Variants in MAN2B1 observed in about 807,000 individuals in gnomAD.
The protein encoded by MAN2B1 is mannosidase alpha class 2B member 1, also known as lysosomal alpha-mannosidase.
A neutral mutation model predicts 127.5 loss-of-function variants in MAN2B1; 99 were observed. The observed-to-expected ratio is 0.78, with a 90% CI of 0.66 to 0.92. The LOEUF is 0.92. Among genes scored for constraint, MAN2B1 ranks in the 40% least tolerant of loss-of-function variants. The pLI is 0.00. For synonymous variants in MAN2B1, 573 were observed against 568.8 expected (o/e 1.01, Z -0.11); for missense variants, 1,304 against 1,384.8 (o/e 0.94, Z 0.93).
At chr19:12,654,744 G>A (rs368415056) in intron 14 of MAN2B1, among the ~76,000 whole-genome samples, 21 of 151,930 alleles carry the variant, frequency 1.4e-4, no homozygotes, top group Admixed American at 1.1e-3. Flanking sequence ...GCATGATCTC[G>A]GCTCACTGCA....
chr19:12,648,426 G>C lies in MAN2B1; in HGVS notation c.2437-24C>G, dbSNP rs758456823. On this transcript the variant is annotated intron_variant, in intron 20 of 23. Transcript: ENST00000456935. ...ACCTGGGGGGAGAGTGGCCAGGAGG[G>C]GGTGAGAGTCGTGGGTTTGTGGGTG... is the stretch of plus-strand genomic sequence containing the variant. 9 of 1,581,686 alleles carry C rather than the reference G, an allele frequency of 5.7e-6. No individual in the cohort carries two copies. The East Asian group carries it at 2.0e-4, about 36-fold the overall frequency.
chr19:12,647,643 G>GA lies in MAN2B1; in HGVS notation c.2665-46_2665-45insT, dbSNP rs1191017034. On this transcript the variant is annotated intron_variant, in intron 21 of 23. Coordinates refer to ENST00000456935, the MANE Select transcript of MAN2B1 (RefSeq NM_000528.4). The surrounding 1 kb of genome is among the most constrained non-coding windows in gnomAD (Gnocchi z 4.9). ...GCTGAGTTGGAGAGGGGCGGGGCCT[G>GA]GATGGAGAAGGGCGGGGCCGAGCCA... 2 of 1,566,436 alleles carry GA rather than the reference G, an allele frequency of 1.3e-6. No individual in the cohort carries two copies. Among genetic ancestry groups the GA allele is most frequent in the African/African-American group, 1.4e-5 (1 of 73,668 alleles).
At chr19:12,650,406 G>T (rs560979048) in intron 16 of MAN2B1, among the ~76,000 whole-genome samples, 184 bp from the exon 17 acceptor site, 28 of 149,076 alleles carry the variant, frequency 1.9e-4, no homozygotes, top group Non-Finnish European at 2.8e-4. Flanking sequence ...TTGCCCAGGC[G>T]GGAGTGCAGT....
In MAN2B1 at chr19:12,650,157, G is replaced by A. The variant is rs2023808625; in HGVS notation, c.2112C>T (p.Tyr704=). ...CTAGCTCCAGGTGCCGCTGTCCTGG[G>A]TACAGGCGAACCACCTGGGAACACC... The part of the protein sequence containing the change: ...SAWCSQVVRL[Y]PGQRHLELEW... Residue 704 remains tyrosine (Y), a synonymous_variant, in exon 17 of 24, where the codon TAC becomes TAT. Coordinates refer to ENST00000456935, the MANE Select transcript of MAN2B1 (RefSeq NM_000528.4). 1 of 1,614,024 alleles carries A rather than the reference G, an allele frequency of 6.2e-7. No homozygotes were observed. The highest frequency in any genetic ancestry group is 8.5e-7 in the Non-Finnish European group (1 of 1,180,018).
chr19:12,652,376 G>A lies in MAN2B1; in HGVS notation c.1915C>T (p.Gln639Ter), dbSNP rs121434332. 6.2e-7 allele frequency: 1 copy of A among 1,614,022 alleles called. No individual in the cohort carries two copies. Among genetic ancestry groups the A allele is most frequent in the Non-Finnish European group, 8.5e-7 (1 of 1,179,940 alleles). Reference protein sequence around the residue: ...MNQQLLLPVRQTFFWYNASIG... With the variant: ...MNQQLLLPVR Reference sequence around the variant, plus strand: ...ATCTTCCCTTACCAGAAGAAGGTCTGGCGAACAGGCAGCAGGAGTTGCTGA... The same window carrying A: ...ATCTTCCCTTACCAGAAGAAGGTCTAGCGAACAGGCAGCAGGAGTTGCTGA... The change falls in exon 15 of 24, where the codon CAG (glutamine) becomes TAG (stop). Residue 639 changes from glutamine (Q) to a stop codon, truncating the protein, a stop_gained. Coordinates refer to ENST00000456935, the MANE Select transcript of MAN2B1 (RefSeq NM_000528.4). LOFTEE classifies it high-confidence loss of function.
rs547320420 is a variant in MAN2B1 at position 12,647,647 on chromosome 19, G to A, written c.2665-49C>T. The A allele has an allele frequency of 6.6e-5, 103 of 1,550,190 alleles. No individual in the cohort carries two copies. The highest frequency in any genetic ancestry group is 9.0e-5 in the Non-Finnish European group (103 of 1,140,150). On this transcript the variant is annotated intron_variant, in intron 21 of 23. Coordinates refer to ENST00000456935, the MANE Select transcript of MAN2B1 (RefSeq NM_000528.4). This position sits in a 1 kb window ranked among gnomAD's most constrained non-coding sequence, Gnocchi z 4.9. The stretch of plus-strand genomic sequence containing the variant: ...AGTTGGAGAGGGGCGGGGCCTGGAT[G>A]GAGAAGGGCGGGGCCGAGCCAGGTC...
In MAN2B1 at chr19:12,656,975, A is replaced by T. The variant is rs747721968; in HGVS notation, c.1501T>A (p.Cys501Ser). 9 of 1,613,560 alleles carry T rather than the reference A, an allele frequency of 5.6e-6. No individual in the cohort carries two copies. Among genetic ancestry groups the T allele is most frequent in the African/African-American group, 2.7e-5 (2 of 74,928 alleles). The change falls in exon 12 of 24, where the codon TGC becomes AGC. Residue 501 changes from cysteine to serine, a missense_variant. By Grantham distance (112) the Cys-to-Ser change is moderately radical. Coordinates refer to ENST00000456935, the MANE Select transcript of MAN2B1 (RefSeq NM_000528.4). ...CGCGCCGCCGTCTGGCTGAGCGGGC[A>T]GATGCTGATGTTTAGCTGTTGGCAA... ...TFCQQLNISI[C>S]PLSQTAARFQ...
At chr19:12,655,091 C>T (rs1370887968) in intron 14 of MAN2B1, among the ~76,000 whole-genome samples, 1 of 152,120 alleles carries the variant, frequency 6.6e-6, no homozygotes, top group Non-Finnish European at 1.5e-5. Flanking sequence ...CTGGGCCTCC[C>T]AATTAGCTGG....
Position 12,649,365 on chromosome 19 carries a change from T to G in MAN2B1, c.2331A>C (p.Pro777=). 1 of 1,613,478 alleles carries G rather than the reference T, an allele frequency of 6.2e-7. No homozygotes were observed. The highest frequency in any genetic ancestry group is 8.5e-7 in the Non-Finnish European group (1 of 1,179,818). The part of the protein sequence containing the change: ...QTEPVAGNYY[P]VNTRIYITDG... ...CCGTGATGTAAATCCGGGTGTTGAC[T>G]GGATAGTAGTTTCCTGCCACGGGCT... is the stretch of plus-strand genomic sequence containing the variant. Residue 777 remains proline, a synonymous_variant, in exon 19 of 24, where the codon CCA becomes CCC. Transcript: ENST00000456935.
At chr19:12,666,331 C>T (rs2145292888) in intron 1 of MAN2B1, among the ~76,000 whole-genome samples, 1 of 152,230 alleles carries the variant, frequency 6.6e-6, no homozygotes, top group African/African-American at 2.4e-5. Context: ...GCAAGCATCC[C>T]GGAGACACGG....
chr19:12,665,570 G>C, intron 2 of MAN2B1, 45 bp from the exon 3 acceptor site: 1 of 1,609,604 alleles, frequency 6.2e-7, no homozygotes, highest in Admixed American at 1.7e-5. Context: ...GCAGAGCCAA[G>C]GGGGTTATTC....
chr19:12,651,018 C>T (rs1423819025), intron 16 of MAN2B1, among the ~76,000 whole-genome samples: 4 of 148,104 alleles, frequency 2.7e-5, no homozygotes, highest in Non-Finnish European at 5.9e-5. Flanking sequence ...TATGTAGGCA[C>T]CTAATCAGCA....
In MAN2B1 at chr19:12,665,336, C is replaced by G; in HGVS notation, c.436+16G>C. On this transcript the variant is annotated intron_variant, in intron 3 of 23. Coordinates refer to ENST00000456935, the MANE Select transcript of MAN2B1 (RefSeq NM_000528.4). ...GGGCTGGGCTTCCTCTTTTCACTTC[C>G]TTGGGGTAGGCTCACCCTGGCGCAC... 6.2e-7 allele frequency: 1 copy of G among 1,602,036 alleles called. No homozygotes were observed. Among genetic ancestry groups the G allele is most frequent in the Non-Finnish European group, 8.5e-7 (1 of 1,179,880 alleles).
intron 3 of MAN2B1, 123 bp from the exon 4 acceptor site, chr19:12,665,108 C>T (rs898951485): frequency 1.7e-4 from 184 of 1,085,682 alleles, no homozygotes; most frequent in Non-Finnish European, 2.3e-4. Context: ...CAAGAGGGGT[C>T]GCTCCCAGGC....
At chr19:12,665,586 C>T in intron 2 of MAN2B1, 61 bp from the exon 3 acceptor site, 1 of 1,604,232 alleles carries the variant, frequency 6.2e-7, no homozygotes, top group Non-Finnish European at 8.5e-7. Flanking sequence ...TATTCCTAGA[C>T]AGAGGAGCCC....
chr19:12,655,443 C>T (rs1436567719), intron 14 of MAN2B1, among the ~76,000 whole-genome samples: 1 of 152,184 alleles, frequency 6.6e-6, no homozygotes, highest in East Asian at 1.9e-4. Context: ...GCCAAAATTG[C>T]GAACCACCAC....
In MAN2B1 at chr19:12,665,640, A is replaced by G. The variant is rs2024215593; in HGVS notation, c.262+63T>C. On this transcript the variant is annotated intron_variant, in intron 2 of 23. Transcript: ENST00000456935. ...TAGCACTGGCCCCACCCTAATGTCC[A>G]GGACCCAGAGGGATTACAGGGACCA... The G allele has an allele frequency of 6.3e-6, 10 of 1,586,016 alleles. No homozygotes were observed. In the South Asian group the frequency reaches 9.9e-5, roughly 16 times the overall value.
Position 12,647,693 on chromosome 19 carries a change from A to G in MAN2B1, c.2665-95T>C. On this transcript the variant is annotated intron_variant, in intron 21 of 23. Coordinates refer to ENST00000456935, the MANE Select transcript of MAN2B1 (RefSeq NM_000528.4). This position sits in a 1 kb window ranked among gnomAD's most constrained non-coding sequence, Gnocchi z 4.9. ...AGGTCAGGAGGCAGGGCTAGGTTGT[A>G]GGGGCGGGGTTTCGCCGGAGAGGGG... is the stretch of plus-strand genomic sequence containing the variant. 1 of 1,042,816 alleles carries G rather than the reference A, an allele frequency of 9.6e-7. No homozygotes were observed. Among genetic ancestry groups the G allele is most frequent in the Non-Finnish European group, 1.4e-6 (1 of 721,040 alleles). The allele number at this position is 1,042,816 out of a possible 1,614,324, so 64.6% of individuals were successfully genotyped here. A position where few individuals can be genotyped will look rare whatever the true frequency, so the allele number is the denominator to read the frequency against.
In MAN2B1 at chr19:12,649,832, G is replaced by T. The variant is rs186573686; in HGVS notation, c.2267+81C>A. The stretch of plus-strand genomic sequence containing the variant: ...TTCGTCCTCTGTCTCCCACACTCAT[G>T]TAATCAGCAAATTTCCCTCACCACC... On this transcript the variant is annotated intron_variant, in intron 18 of 23. Transcript: ENST00000456935. 7.4e-6 allele frequency: 9 copies of T among 1,219,316 alleles called. No homozygotes were observed. In the African/African-American group the frequency reaches 1.3e-4, roughly 18 times the overall value. 75.5% of individuals were successfully genotyped at this position (1,219,316 alleles called of 1,614,324 possible).
Sources: allele counts gnomAD v4.1 joint callset (sites outside exome capture counted in the v4.1 genomes callset), GRCh38; gene constraint gnomAD v4.1.1; non-coding constraint Gnocchi (gnomAD v3.1); transcripts MANE v1.5; gene names NCBI Gene and HGNC (gene_info 2026-07-23, HGNC 2026-07-21).